PDE11A: variants seen among roughly 807,000 people sequenced by gnomAD.
PDE11A encodes the protein dual 3',5'-cyclic-AMP and -GMP phosphodiesterase 11A.
In PDE11A, 100 loss-of-function variants were observed where a neutral mutation model predicts 100.5. The ratio of observed to expected loss-of-function variants is 1.00; its 90% CI spans 0.85 to 1.18. The LOEUF (loss-of-function observed/expected upper bound fraction) is 1.18. PDE11A is among the 50% of genes most tolerant of loss of function. The probability of loss-of-function intolerance (pLI) is 0.00; values close to 1 mark genes in which losing one functional copy is unlikely to be tolerated. For synonymous variants in PDE11A, 381 were observed against 420.8 expected, an observed-to-expected ratio of 0.91 and a Z score of 1.16; for missense variants, 1,141 against 1,152.6, an observed-to-expected ratio of 0.99 and a Z score of 0.15.
At chr2:178,044,982 A>G (rs1324955504) in intron 1 of PDE11A, among the ~76,000 whole-genome samples, 2 of 152,200 alleles carry the variant, frequency 1.3e-5, no homozygotes, top group Admixed American at 6.6e-5. Context: ...CCCTGCAGCC[A>G]AACAGCAAAA....
At chr2:177,640,369 G>A (rs1275436823) in intron 19 of PDE11A, among the ~76,000 whole-genome samples, 2 of 152,190 alleles carry the variant, frequency 1.3e-5, no homozygotes, top group Non-Finnish European at 2.9e-5. Context: ...AACCACTGAT[G>A]ATATGACCAA....
intron 18 of PDE11A, among the ~76,000 whole-genome samples, chr2:177,665,118 T>C (rs1308315771): frequency 1.3e-5 from 2 of 151,920 alleles, no homozygotes; most frequent in Non-Finnish European, 2.9e-5. Context: ...TTGGAGAAAA[T>C]TGTGAAAATG....
At chr2:177,846,861 T>C (rs2083609577) in intron 5 of PDE11A, among the ~76,000 whole-genome samples, 1 of 152,210 alleles carries the variant, frequency 6.6e-6, no homozygotes, top group African/African-American at 2.4e-5. Flanking sequence ...GCACCATCAG[T>C]GACAGGAAAC....
At chr2:177,940,352 T>A (rs1307111283) in intron 2 of PDE11A, among the ~76,000 whole-genome samples, 1 of 152,208 alleles carries the variant, frequency 6.6e-6, no homozygotes, top group East Asian at 1.9e-4. Flanking sequence ...TTTGAAGACA[T>A]CCAGGCCAAA....
At chr2:177,920,414 C>T (rs1036675281) in intron 2 of PDE11A, among the ~76,000 whole-genome samples, 1 of 151,466 alleles carries the variant, frequency 6.6e-6, no homozygotes, top group Non-Finnish European at 1.5e-5. Context: ...AAAAGAAGAA[C>T]AAAAAGTGTT....
chr2:178,058,704 C>T (rs995397120), intron 1 of PDE11A, among the ~76,000 whole-genome samples: 3 of 152,132 alleles, frequency 2.0e-5, no homozygotes, highest in African/African-American at 7.2e-5. Flanking sequence ...CCATGCCAAA[C>T]ACAGGGAGTG....
At chr2:177,738,708 G>A (rs924143430) in intron 10 of PDE11A, among the ~76,000 whole-genome samples, 2 of 152,198 alleles carry the variant, frequency 1.3e-5, no homozygotes, top group Admixed American at 6.5e-5. Context: ...TCACCAGAGA[G>A]AGGGAGGGCA....
At chr2:177,997,798 G>T in intron 2 of PDE11A, 1 of 1,306,214 alleles carries the variant, frequency 7.7e-7, no homozygotes, top group Non-Finnish European at 1.1e-6. Context: ...TCCATTTTCT[G>T]CTTCTTCTGG....
chr2:177,869,570 C>T (rs956305360), intron 5 of PDE11A, among the ~76,000 whole-genome samples: 1 of 152,188 alleles, frequency 6.6e-6, no homozygotes, highest in Non-Finnish European at 1.5e-5. Context: ...ACATCAGACT[C>T]ACCTAGACAA....
At chr2:177,989,583 C>T (rs1290583406) in intron 2 of PDE11A, among the ~76,000 whole-genome samples, 1 of 152,208 alleles carries the variant, frequency 6.6e-6, no homozygotes, top group Non-Finnish European at 1.5e-5. Flanking sequence ...AGGATCTTCA[C>T]TGCAGTTAAT....
chr2:177,870,795 A>G (rs191056620), intron 5 of PDE11A, among the ~76,000 whole-genome samples: 28 of 152,376 alleles, frequency 1.8e-4, no homozygotes, highest in Non-Finnish European at 4.0e-4. Context: ...CTTAGCACAT[A>G]GTAAAACTCA....
chr2:177,677,591 G>A (rs755570625), intron 16 of PDE11A, among the ~76,000 whole-genome samples: 77 of 152,266 alleles, frequency 5.1e-4, no homozygotes, highest in Non-Finnish European at 9.1e-4. Context: ...TGGTGGATGT[G>A]AGGATGGTTT....
intron 9 of PDE11A, among the ~76,000 whole-genome samples, chr2:177,798,008 C>G (rs2082729225): frequency 6.6e-6 from 1 of 152,166 alleles, no homozygotes; most frequent in African/African-American, 2.4e-5. Flanking sequence ...TGATCTGACC[C>G]CGGGTAGCTC....
At chr2:177,665,052 T>C (rs1055125013) in intron 18 of PDE11A, among the ~76,000 whole-genome samples, 1 of 152,160 alleles carries the variant, frequency 6.6e-6, no homozygotes, top group African/African-American at 2.4e-5. Flanking sequence ...CACCAGGCTT[T>C]TCTCATCCTT....
chr2:177,775,637 C>A (rs973216276), intron 9 of PDE11A, among the ~76,000 whole-genome samples: 3 of 152,152 alleles, frequency 2.0e-5, no homozygotes, highest in Non-Finnish European at 2.9e-5. Context: ...ACACACTTGG[C>A]CACACTCATT....
intron 19 of PDE11A, among the ~76,000 whole-genome samples, chr2:177,650,688 A>C (rs1054771761): frequency 6.6e-6 from 1 of 152,216 alleles, no homozygotes; most frequent in African/African-American, 2.4e-5. Flanking sequence ...TTCAAATTTT[A>C]TACATAGATA....
chr2:178,081,595 G>C (rs1323993722), intron 2 of PDE11A, among the ~76,000 whole-genome samples: 3 of 151,968 alleles, frequency 2.0e-5, no homozygotes, highest in Non-Finnish European at 4.4e-5. Context: ...CTTCAAACAG[G>C]GCCTCACCAA....
At chr2:177,888,731 T>G in intron 4 of PDE11A, 8 of 828,592 alleles carry the variant, frequency 9.7e-6, no homozygotes, top group Non-Finnish European at 1.2e-5. Flanking sequence ...TGAAGTAACA[T>G]CTTTCCACAG....
intron 2 of PDE11A, chr2:177,998,547 T>C: frequency 7.6e-7 from 1 of 1,318,822 alleles, no homozygotes; most frequent in African/African-American, 1.4e-5. Context: ...AATAGATACA[T>C]CTTCATCTTC....
Sources: gnomAD v4.1 joint callset for allele counts (sites outside exome capture counted in the v4.1 genomes callset) on GRCh38, gnomAD v4.1.1 for gene constraint, MANE v1.5 for transcripts, NCBI Gene and HGNC (gene_info 2026-07-23, HGNC 2026-07-21) for gene names.